Variants in GPR78 observed in about 807,000 individuals in gnomAD.
GPR78 encodes G protein-coupled receptor 78.
Under a neutral mutation model 17.9 loss-of-function variants are expected in GPR78, and 29 were observed. The observed-to-expected ratio is 1.62, with a 90% CI of 1.20 to 2.21. The LOEUF is 2.21. Among genes scored for constraint, GPR78 ranks in the 30% most tolerant of loss-of-function variants. The probability of loss-of-function intolerance (pLI) is 0.00; values close to 1 mark genes in which losing one functional copy is unlikely to be tolerated. For synonymous variants in GPR78, 349 were observed against 256.9 expected (o/e 1.36, Z -3.43); for missense variants, 649 against 530.5 (o/e 1.22, Z -2.19).
rs544534231 is a variant in GPR78 at position 8,588,074 on chromosome 4, G to A, written c.*711G>A. On this transcript the variant is annotated 3_prime_UTR_variant, in exon 3 of 3. Transcript: ENST00000382487. ...GCCAGGGGTTTGGCATCTTGACTGC[G>A]GAAGCTGTGGAGTCTGTGTGCTCAG... Among the ~76,000 whole-genome samples, 21 of 152,336 alleles carry A rather than the reference G, an allele frequency of 1.4e-4. No homozygotes were observed. Among genetic ancestry groups the A allele is most frequent in the African/African-American group, 3.6e-4 (15 of 41,582 alleles).
intron 1 of GPR78, 55 bp from the exon 2 acceptor site, chr4:8,582,476 C>T: frequency 8.0e-7 from 1 of 1,245,384 alleles, no homozygotes; most frequent in East Asian, 2.3e-5. Context: ...GGCTCTGGGC[C>T]TGGGTTCTGT....
At position 8,580,806 on chromosome 4, in the gene GPR78, C is replaced by T; in HGVS notation, c.-177C>T. ...AGAGCTACGCCCTCCCCCCGGGTGCCCCGGACCCTGCACTTGCCGCCGCTT... is the reference window on the plus strand; with the variant it reads ...AGAGCTACGCCCTCCCCCCGGGTGCTCCGGACCCTGCACTTGCCGCCGCTT... On this transcript the variant is annotated 5_prime_UTR_variant, in exon 1 of 3. Transcript: ENST00000382487. 1 of 662,154 alleles carries T rather than the reference C, an allele frequency of 1.5e-6. No individual in the cohort carries two copies. Among genetic ancestry groups the T allele is most frequent in the East Asian group, 2.9e-5 (1 of 34,668 alleles). 41.0% of individuals were successfully genotyped at this position (662,154 alleles called of 1,614,324 possible).
In GPR78 at chr4:8,587,325, G is replaced by A. The variant is rs752910829; in HGVS notation, c.1054G>A (p.Asp352Asn). 1.1e-5 allele frequency: 17 copies of A among 1,613,142 alleles called. No homozygotes were observed. The highest frequency in any genetic ancestry group is 1.4e-5 in the Non-Finnish European group (17 of 1,180,014). ...RPASTHNGSV[D>N]TENDSCLQQT... is the part of the protein sequence containing the mutation. ...AGCGTCCACCCACAACGGCTCTGTG[G>A]ACACAGAGAATGATTCCTGCCTGCA... The change falls in exon 3 of 3, where the codon GAC (aspartate) becomes AAC (asparagine). Residue 352 changes from aspartate (D) to asparagine (N), a missense_variant. Coordinates refer to ENST00000382487, the MANE Select transcript of GPR78 (RefSeq NM_080819.5).
chr4:8,580,714 T>G lies in GPR78; in HGVS notation c.-269T>G. 1 of 513,440 alleles carries G rather than the reference T, an allele frequency of 1.9e-6. No individual in the cohort carries two copies. The highest frequency in any genetic ancestry group is 3.4e-6 in the Non-Finnish European group (1 of 295,650). The allele number at this position is 513,440 out of a possible 1,614,324, so 31.8% of individuals were successfully genotyped here. On this transcript the variant is annotated 5_prime_UTR_variant, in exon 1 of 3. Transcript: ENST00000382487. The stretch of plus-strand genomic sequence containing the variant: ...CAGTCCTGCCGGGACGGTGAGCGCA[T>G]TCAGCACCCTGGACAGCACCGCGGT...
rs994055407 is a variant in GPR78 at position 8,587,606 on chromosome 4, T to G, written c.*243T>G. The G allele has an allele frequency of 1.7e-6, 1 of 582,606 alleles. No individual in the cohort carries two copies. Among genetic ancestry groups the G allele is most frequent in the African/African-American group, 1.9e-5 (1 of 53,510 alleles). 36.1% of individuals were successfully genotyped at this position (582,606 alleles called of 1,614,324 possible). ...GGCCCCGGGACAGTGGCTTTTCCTC[T>G]CTGAACCTTAGCTTCCTCACCCTTG... On this transcript the variant is annotated 3_prime_UTR_variant, in exon 3 of 3. Transcript: ENST00000382487.
intron 2 of GPR78, 25 bp downstream of exon 2, chr4:8,582,669 G>C (rs755147480): frequency 1.3e-6 from 2 of 1,489,438 alleles, no homozygotes; most frequent in Non-Finnish European, 1.9e-6. Context: ...TCCGGCTCCT[G>C]TTGTGGGAAC....
rs1713495829 is a variant in GPR78 at position 8,586,152 on chromosome 4, C to T, written c.783-902C>T. Among the ~76,000 whole-genome samples, 9 of 152,240 alleles carry T rather than the reference C, an allele frequency of 5.9e-5. No individual in the cohort carries two copies. In the South Asian group the frequency reaches 1.9e-3, roughly 32 times the overall value. On this transcript the variant is annotated intron_variant, in intron 2 of 2. Transcript: ENST00000382487. Reference sequence around the variant, plus strand: ...GCCCCCACCTAAGGCTGTGCTGCCGCTGGTCAGAAGCCTTGTCCTGACTCC... The same window carrying T: ...GCCCCCACCTAAGGCTGTGCTGCCGTTGGTCAGAAGCCTTGTCCTGACTCC...
In GPR78 at chr4:8,581,264, G is replaced by T; in HGVS notation, c.282G>T (p.Ala94=). Residue 94 remains alanine, a synonymous_variant, in exon 1 of 3, where the codon GCG becomes GCT. Transcript: ENST00000382487. The part of the protein sequence containing the change: ...FLDTFLASNA[A]LSVAALSADQ... ...ACACCTTCCTGGCGTCCAACGCGGC[G>T]CTGAGCGTGGCGGCGCTGAGCGCAG... 1.3e-6 allele frequency: 2 copies of T among 1,590,498 alleles called. No individual in the cohort carries two copies. Among genetic ancestry groups the T allele is most frequent in the Non-Finnish European group, 1.7e-6 (2 of 1,173,804 alleles).
intron 1 of GPR78, among the ~76,000 whole-genome samples, chr4:8,582,094 A>C (rs1289689564): frequency 2.0e-5 from 3 of 152,060 alleles, no homozygotes. Flanking sequence ...TTGTCTCCTG[A>C]ATCTCTAGCT....
chr4:8,580,688 A>G lies in GPR78; in HGVS notation c.-295A>G, dbSNP rs1713233571. 1 of 482,588 alleles carries G rather than the reference A, an allele frequency of 2.1e-6. No individual in the cohort carries two copies. Among genetic ancestry groups the G allele is most frequent in the Admixed American group, 4.0e-5 (1 of 25,060 alleles). The allele number at this position is 482,588 out of a possible 1,614,324, so 29.9% of individuals were successfully genotyped here. A position where few individuals can be genotyped will look rare whatever the true frequency, so the allele number is the denominator to read the frequency against. On this transcript the variant is annotated 5_prime_UTR_variant, in exon 1 of 3. Coordinates refer to ENST00000382487, the MANE Select transcript of GPR78 (RefSeq NM_080819.5). ...CCCTGCGCCTCGCTTCAGCCTCAGG[A>G]CAGTCCTGCCGGGACGGTGAGCGCA... is the stretch of plus-strand genomic sequence containing the variant.
chr4:8,582,159 C>A (rs1377549666), intron 1 of GPR78, among the ~76,000 whole-genome samples: 1 of 152,070 alleles, frequency 6.6e-6, no homozygotes, highest in Non-Finnish European at 1.5e-5. Context: ...TCCCCCTTGG[C>A]CCCCCACAGA....
rs1457774025 is a variant in GPR78, at chr4:8,587,911, G to C, written c.*548G>C. Among the ~76,000 whole-genome samples, 5 of 152,210 alleles carry C rather than the reference G, an allele frequency of 3.3e-5. No individual in the cohort carries two copies. The highest frequency in any genetic ancestry group is 7.3e-5 in the Non-Finnish European group (5 of 68,038). ...TTCACATCTGATAGTCTGTGGTCAG[G>C]ACCTGGCAGGCACGGGCAGTCCCTG... On this transcript the variant is annotated 3_prime_UTR_variant, in exon 3 of 3. Coordinates refer to ENST00000382487, the MANE Select transcript of GPR78 (RefSeq NM_080819.5).
Position 8,587,375 on chromosome 4 carries a change from G to C in GPR78, c.*12G>C. 6.2e-7 allele frequency: 1 copy of C among 1,607,276 alleles called. No individual in the cohort carries two copies. The highest frequency in any genetic ancestry group is 8.5e-7 in the Non-Finnish European group (1 of 1,175,932). ...AGCAGACACACTGAGGGCCTGGCAG[G>C]GCTCATCGCCCCCACCTTCTAAGAA... On this transcript the variant is annotated 3_prime_UTR_variant, in exon 3 of 3. Transcript: ENST00000382487.
chr4:8,580,992 G>A lies in GPR78; in HGVS notation c.10G>A (p.Gly4Ser), dbSNP rs150245461. The A allele has an allele frequency of 1.7e-3, 2,752 of 1,585,526 alleles. 1 individual carries two copies. Among genetic ancestry groups the A allele is most frequent in the Middle Eastern group, 4.0e-3 (19 of 4,698 alleles). MGP[G>S]EALLAGLLVM... ...GCGAGCCGCTAGCGCCATGGGCCCC[G>A]GCGAGGCGCTGCTGGCGGGTCTCCT... The change falls in exon 1 of 3, where the codon GGC becomes AGC. Residue 4 changes from glycine to serine, a missense_variant. Coordinates refer to ENST00000382487, the MANE Select transcript of GPR78 (RefSeq NM_080819.5).
At chr4:8,586,525 C>T (rs1186239343) in intron 2 of GPR78, among the ~76,000 whole-genome samples, 1 of 152,150 alleles carries the variant, frequency 6.6e-6, no homozygotes, top group African/African-American at 2.4e-5. Flanking sequence ...GTTCTGCAGC[C>T]CAGGTTGACA....
In GPR78 at chr4:8,588,010, G is replaced by A. The variant is rs752163122; in HGVS notation, c.*647G>A. Among the ~76,000 whole-genome samples the A allele has an allele frequency of 2.0e-5, 3 of 152,220 alleles. No individual in the cohort carries two copies. The highest frequency in any genetic ancestry group is 2.1e-4 in the South Asian group (1 of 4,830). On this transcript the variant is annotated 3_prime_UTR_variant, in exon 3 of 3. Transcript: ENST00000382487. Reference sequence around the variant, plus strand: ...CCGCTGTGACTGCCTGTGTGGGCACGCAGATGGAGCCTGTCTCCTGCCTTC... The same window carrying A: ...CCGCTGTGACTGCCTGTGTGGGCACACAGATGGAGCCTGTCTCCTGCCTTC...
rs1208702365 is a variant in GPR78, at chr4:8,587,245, GCT to G, written c.979_980del (p.Leu327GlyfsTer29). 2 of 1,606,286 alleles carry G rather than the reference GCT, an allele frequency of 1.2e-6. No individual in the cohort carries two copies. Among genetic ancestry groups the G allele is most frequent in the African/African-American group, 2.7e-5 (2 of 74,820 alleles). On this transcript the variant is annotated frameshift_variant, in exon 3 of 3. Coordinates refer to ENST00000382487, the MANE Select transcript of GPR78 (RefSeq NM_080819.5). LOFTEE classifies it low-confidence loss of function (END_TRUNC). Reference sequence around the variant, plus strand: ...CCGCGCCCAGCATCCACCCATGACAGCTCTCTGGATGTGGCCGGCATGGTGCA... The same window carrying G: ...CCGCGCCCAGCATCCACCCATGACAGCTCTGGATGTGGCCGGCATGGTGCA...
In GPR78 at chr4:8,581,637, G is replaced by T. The variant is rs1034877201; in HGVS notation, c.655G>T (p.Asp219Tyr). The T allele has an allele frequency of 1.3e-5, 19 of 1,483,566 alleles. No individual in the cohort carries two copies. Among genetic ancestry groups the T allele is most frequent in the Non-Finnish European group, 1.7e-5 (19 of 1,121,150 alleles). The allele number at this position is 1,483,566 out of a possible 1,614,324, so 91.9% of individuals were successfully genotyped here. A position where few individuals can be genotyped will look rare whatever the true frequency, so the allele number is the denominator to read the frequency against. ...CATGAAGGCGCTCGCGCTGCTCGCC[G>T]ACCTGCACCCCAGGTATTGGCCCAG... is the stretch of plus-strand genomic sequence containing the variant. ...VTMKALALLA[D>Y]LHPSVRQRCL... The change falls in exon 1 of 3, where the codon GAC (aspartate) becomes TAC (tyrosine). Residue 219 changes from aspartate (D) to tyrosine (Y), a missense_variant. Coordinates refer to ENST00000382487, the MANE Select transcript of GPR78 (RefSeq NM_080819.5).
intron 2 of GPR78, among the ~76,000 whole-genome samples, chr4:8,585,840 G>A (rs1189847529): frequency 6.6e-6 from 1 of 152,206 alleles, no homozygotes; most frequent in Non-Finnish European, 1.5e-5. Context: ...CGGAGGGAGG[G>A]AGTCAGTCTG....
Sources: allele counts gnomAD v4.1 joint callset (sites outside exome capture counted in the v4.1 genomes callset), GRCh38; gene constraint gnomAD v4.1.1; transcripts MANE v1.5; gene names NCBI Gene and HGNC (gene_info 2026-07-23, HGNC 2026-07-21).